NAE1: variants seen among roughly 807,000 people sequenced by gnomAD.
NAE1 encodes NEDD8 activating enzyme E1 subunit 1, also known as NEDD8-activating enzyme E1 regulatory subunit.
A neutral mutation model predicts 88.0 loss-of-function variants in NAE1; 59 were observed. The ratio of observed to expected loss-of-function variants is 0.67; its 90% CI spans 0.54 to 0.83. The LOEUF (loss-of-function observed/expected upper bound fraction) is 0.83. NAE1 is among the 40% of genes least tolerant of loss of function. The pLI is 0.00. For missense variants in NAE1, 554 were observed against 632.8 expected (o/e 0.88, Z 1.34); for synonymous variants, 186 against 208.9 (o/e 0.89, Z 0.95).
chr16:66,802,991 T>C lies in NAE1; in HGVS notation c.*18A>G. On this transcript the variant is annotated 3_prime_UTR_variant, in exon 20 of 20. Coordinates refer to ENST00000290810, the MANE Select transcript of NAE1 (RefSeq NM_003905.4). ...ACAGTTTCAATCATTAACACACTAC[T>C]TAAGGTGCTTGCTTACTCTACAACT... is the stretch of plus-strand genomic sequence containing the variant. The C allele has an allele frequency of 1.4e-6, 2 of 1,468,400 alleles. No individual in the cohort carries two copies. The highest frequency in any genetic ancestry group is 2.3e-5 in the South Asian group (2 of 88,014). 91.0% of individuals were successfully genotyped at this position (1,468,400 alleles called of 1,614,324 possible). A position where few individuals can be genotyped will look rare whatever the true frequency, so the allele number is the denominator to read the frequency against.
intron 13 of NAE1, among the ~76,000 whole-genome samples, chr16:66,812,171 A>G (rs1959828544): frequency 6.6e-6 from 1 of 152,352 alleles, no homozygotes; most frequent in East Asian, 1.9e-4. Context: ...ATAGGGCCAT[A>G]GCTAAGCATA....
Position 66,808,622 on chromosome 16 carries a change from A to G in NAE1, c.1238-9T>C. 1.3e-6 allele frequency: 2 copies of G among 1,570,032 alleles called. No homozygotes were observed. The highest frequency in any genetic ancestry group is 8.7e-7 in the Non-Finnish European group (1 of 1,146,758). On this transcript the variant is annotated splice_polypyrimidine_tract_variant and intron_variant, in intron 16 of 19. Transcript: ENST00000290810. ...ATTGTCCATGCTAGAAACTGAAAGGAAAAAAAATTTCAGTTTAATTTGGTT... is the reference window on the plus strand; with the variant it reads ...ATTGTCCATGCTAGAAACTGAAAGGGAAAAAAATTTCAGTTTAATTTGGTT...
chr16:66,820,375 T>C (rs1190368085), intron 7 of NAE1, among the ~76,000 whole-genome samples: 1 of 152,372 alleles, frequency 6.6e-6, no homozygotes, highest in Middle Eastern at 3.4e-3. Flanking sequence ...TACAACAGTT[T>C]CCTTGGGAAC....
At chr16:66,810,636 C>T in intron 14 of NAE1, 61 bp downstream of exon 14, 1 of 1,474,076 alleles carries the variant, frequency 6.8e-7, no homozygotes, top group Non-Finnish European at 9.4e-7. Context: ...TGTCTCTAAA[C>T]CCTTTCTGGC....
intron 8 of NAE1, among the ~76,000 whole-genome samples, chr16:66,818,271 G>A (rs1960128026): frequency 6.6e-6 from 1 of 151,978 alleles, no homozygotes; most frequent in Non-Finnish European, 1.5e-5. Flanking sequence ...CCTGGAATAG[G>A]TTAATGTCCA....
chr16:66,825,910 C>T (rs1960446695), intron 3 of NAE1, among the ~76,000 whole-genome samples: 1 of 152,132 alleles, frequency 6.6e-6, no homozygotes. Flanking sequence ...CTGTGCTGTG[C>T]CTGGCAGAAA....
Position 66,809,034 on chromosome 16 carries a change from AG to A in NAE1, c.1191del (p.Leu398Ter). On this transcript the variant is annotated frameshift_variant, in exon 16 of 20. Coordinates refer to ENST00000290810, the MANE Select transcript of NAE1 (RefSeq NM_003905.4). LOFTEE classifies it high-confidence loss of function. The part of the protein sequence containing the change: ...SAFLRVVRCR[S>X]LAEEYGLDTI... ...GTATCCAAACCATATTCTTCAGCTA[AG>A]GATCGACATCTTACCACTCGAAGAA... 2 of 1,612,908 alleles carry A rather than the reference AG, an allele frequency of 1.2e-6. No homozygotes were observed. Among genetic ancestry groups the A allele is most frequent in the Non-Finnish European group, 1.7e-6 (2 of 1,179,224 alleles).
At chr16:66,810,671 T>A in intron 14 of NAE1, 26 bp downstream of exon 14, 1 of 1,605,550 alleles carries the variant, frequency 6.2e-7, no homozygotes. Context: ...GAGGCCTGTA[T>A]GGGCACAGTG....
intron 13 of NAE1, among the ~76,000 whole-genome samples, chr16:66,811,270 A>G (rs745901074): frequency 7.9e-5 from 12 of 151,914 alleles, no homozygotes; most frequent in Non-Finnish European, 1.6e-4. Flanking sequence ...TGATCCTCCC[A>G]CCTCAGCTTC....
In NAE1 at chr16:66,808,996, A is replaced by T; in HGVS notation, c.1230T>A (p.Asp410Glu). ...GAAGGCTATTATACTTACTAATTTC[A>T]TCCTTGTTAATTGTATCCAAACCAT... Reference protein sequence around the residue: ...EEYGLDTINKDEIISSMDNPD... With the variant: ...EEYGLDTINKEEIISSMDNPD... The change falls in exon 16 of 20, where the codon GAT (aspartate) becomes GAA (glutamate). Residue 410 changes from aspartate to glutamate, a missense_variant. Asp to Glu is a conservative substitution (Grantham distance 45, BLOSUM62 2). Coordinates refer to ENST00000290810, the MANE Select transcript of NAE1 (RefSeq NM_003905.4). 1.2e-6 allele frequency: 2 copies of T among 1,601,622 alleles called. No homozygotes were observed. Among genetic ancestry groups the T allele is most frequent in the Non-Finnish European group, 1.7e-6 (2 of 1,170,986 alleles).
chr16:66,806,516 C>T (rs1028624982), intron 17 of NAE1, among the ~76,000 whole-genome samples: 2 of 151,994 alleles, frequency 1.3e-5, no homozygotes, highest in East Asian at 3.9e-4. Context: ...CCTCTGCCTG[C>T]CGGGTTCAAA....
intron 17 of NAE1, 128 bp downstream of exon 17, chr16:66,808,393 G>A (rs941066503): frequency 1.9e-5 from 13 of 671,998 alleles, no homozygotes; most frequent in African/African-American, 1.3e-4. Flanking sequence ...ACTGGGGAAC[G>A]TTTGGGGTGT....
intron 7 of NAE1, among the ~76,000 whole-genome samples, chr16:66,820,278 G>C (rs1567494086): frequency 6.6e-6 from 1 of 152,222 alleles, no homozygotes; most frequent in African/African-American, 2.4e-5. Context: ...AAAATTTTAT[G>C]ATCATCTAAG....
Position 66,806,026 on chromosome 16 carries a change from C to A in NAE1, c.1331G>T (p.Gly444Val), listed in dbSNP as rs373487567. 6.9e-6 allele frequency: 11 copies of A among 1,597,806 alleles called. No individual in the cohort carries two copies. The highest frequency in any genetic ancestry group is 9.4e-6 in the Non-Finnish European group (11 of 1,175,284). ...TTCTTCAACTTGATAGTTAGATACT[C>A]CTAAAAATAAAAGTTAGTTTTCATT... ...RFHKQQGRYP[G>V]VSNYQVEEDI... is the part of the protein sequence containing the mutation. The change falls in exon 18 of 20, where the codon GGA becomes GTA. Residue 444 changes from glycine (G) to valine (V), a missense_variant and splice_region_variant. Gly to Val is a moderately radical substitution (Grantham distance 109). Coordinates refer to ENST00000290810, the MANE Select transcript of NAE1 (RefSeq NM_003905.4).
At chr16:66,803,755 T>A (rs1959448913) in intron 19 of NAE1, among the ~76,000 whole-genome samples, 1 of 152,012 alleles carries the variant, frequency 6.6e-6, no homozygotes, top group Non-Finnish European at 1.5e-5. Flanking sequence ...CACACCTGGA[T>A]AATTTTTTTG....
At chr16:66,816,473 T>C in intron 11 of NAE1, 108 bp downstream of exon 11, 1 of 879,278 alleles carries the variant, frequency 1.1e-6, no homozygotes, top group Non-Finnish European at 1.8e-6. Context: ...TATTTCTAAC[T>C]ATACATTTAG....
intron 7 of NAE1, among the ~76,000 whole-genome samples, 159 bp from the exon 8 acceptor site, chr16:66,818,796 G>C (rs2145336447): frequency 6.6e-6 from 1 of 152,198 alleles, no homozygotes; most frequent in Non-Finnish European, 1.5e-5. Flanking sequence ...TCAGCCTCCT[G>C]AGAAGGTGGG....
intron 1 of NAE1, among the ~76,000 whole-genome samples, chr16:66,827,729 A>G (rs1466585949): frequency 2.0e-5 from 3 of 152,186 alleles, no homozygotes; most frequent in African/African-American, 7.2e-5. Flanking sequence ...GCTTTAAAGT[A>G]TATTACCCAA....
At chr16:66,822,218 AAAC>A (rs976380197) in intron 6 of NAE1, among the ~76,000 whole-genome samples, 8 of 152,176 alleles carry the variant, frequency 5.3e-5, no homozygotes, top group African/African-American at 7.2e-5. Context: ...CAAAGAACAA[AAAC>A]AACAACAACA....
Sources: gnomAD v4.1 joint callset for allele counts (sites outside exome capture counted in the v4.1 genomes callset) on GRCh38, gnomAD v4.1.1 for gene constraint, MANE v1.5 for transcripts, NCBI Gene and HGNC (gene_info 2026-07-23, HGNC 2026-07-21) for gene names.